The following CACYBP variants were observed in gnomAD, a reference collection of about 807,000 sequenced individuals.
CACYBP encodes calcyclin binding protein.
In CACYBP, 11 loss-of-function variants were observed where a neutral mutation model predicts 29.6. The ratio of observed to expected loss-of-function variants is 0.37; its 90% CI spans 0.23 to 0.61. CACYBP has a LOEUF of 0.61. CACYBP is among the 20% of genes least tolerant of loss of function. The pLI is 0.65. For missense variants in CACYBP, 163 were observed against 260.7 expected (o/e 0.63, Z 2.58); for synonymous variants, 73 against 88.3 (o/e 0.83, Z 0.97).
chr1:175,005,004 C>T (rs1480216830), intron 2 of CACYBP, 171 bp downstream of exon 2: 4 of 657,800 alleles, frequency 6.1e-6, no homozygotes, highest in Middle Eastern at 2.6e-4. Context: ...GGAAAGGATG[C>T]GTTCTAGAAG....
rs565201621 is a variant in CACYBP at position 175,009,437 on chromosome 1, G to A, written c.531-486G>A. Among the ~76,000 whole-genome samples the A allele has an allele frequency of 2.8e-3, 420 of 152,158 alleles. 5 individuals are homozygous for A. The highest frequency in any genetic ancestry group is 9.8e-3 in the African/African-American group (405 of 41,510). Reference sequence around the variant, plus strand: ...GAGGCGGGCGGATCACCTGAGGTCAGGAGTTTGAGACCAGCCTGGCCAACA... The same window carrying A: ...GAGGCGGGCGGATCACCTGAGGTCAAGAGTTTGAGACCAGCCTGGCCAACA... On this transcript the variant is annotated intron_variant, in intron 5 of 5. Coordinates refer to ENST00000367679, the MANE Select transcript of CACYBP (RefSeq NM_014412.3).
chr1:175,009,941 T>C lies in CACYBP; in HGVS notation c.549T>C (p.Thr183=). 1 of 1,612,618 alleles carries C rather than the reference T, an allele frequency of 6.2e-7. No homozygotes were observed. The highest frequency in any genetic ancestry group is 8.5e-7 in the Non-Finnish European group (1 of 1,179,188). The change falls in exon 6 of 6, where the codon ACT becomes ACC. Residue 183 remains threonine, a synonymous_variant. Coordinates refer to ENST00000367679, the MANE Select transcript of CACYBP (RefSeq NM_014412.3). ...TTTAAAGGAAGCCCTCCTATGACAC[T>C]GAAACAGATCCTAGTGAGGGATTGA... The part of the protein sequence containing the change: ...CKEKEKPSYD[T]ETDPSEGLMN...
chr1:175,008,040 A>T (rs1050643007), intron 4 of CACYBP, among the ~76,000 whole-genome samples: 2 of 152,214 alleles, frequency 1.3e-5, no homozygotes, highest in Admixed American at 6.5e-5. Flanking sequence ...CTAGTCCCAT[A>T]GGTAGAGTAC....
intron 4 of CACYBP, among the ~76,000 whole-genome samples, chr1:175,007,901 G>GT (rs1241162421): frequency 1.3e-5 from 2 of 152,146 alleles, no homozygotes; most frequent in Non-Finnish European, 2.9e-5. Context: ...AATAAATGAA[G>GT]TTTAATGCGT....
At chr1:175,000,222 A>T (rs1160327600) in intron 1 of CACYBP, 27 bp downstream of exon 1, 7 of 1,595,906 alleles carry the variant, frequency 4.4e-6, no homozygotes, top group South Asian at 1.1e-5. Flanking sequence ...CATATTCCTT[A>T]TGCCCCCCGG....
At chr1:174,999,913 G>C (rs1289425070), upstream of CACYBP, 5 of 548,948 alleles carry the variant, frequency 9.1e-6, no homozygotes, top group Admixed American at 7.1e-5. Flanking sequence ...GGCTAGGCTC[G>C]GCGAGGCGAG....
At position 175,010,679 on chromosome 1, in the gene CACYBP, T is replaced by A. The variant is rs1338073946; in HGVS notation, c.*600T>A. 6.6e-6 allele frequency: 1 copy of A among 152,266 alleles called. No individual in the cohort carries two copies. The highest frequency in any genetic ancestry group is 2.4e-5 in the African/African-American group (1 of 41,472). The allele number at this position is 152,266 out of a possible 1,614,324, so 9.4% of individuals were successfully genotyped here. ...AACATGACAATAATAGACATATCTT[T>A]GTATGGTACCAGTTAGTTTTGCCGT... is the stretch of plus-strand genomic sequence containing the variant. On this transcript the variant is annotated 3_prime_UTR_variant, in exon 6 of 6. Transcript: ENST00000367679.
rs1204416008 is a variant in CACYBP, at chr1:175,011,494, TA to T, written c.*1419del. The stretch of plus-strand genomic sequence containing the variant: ...GAGGAAAACGACATTATATGTGACT[TA>T]AAACCTAGAAGAAATAAATAAAACT... On this transcript the variant is annotated 3_prime_UTR_variant, in exon 6 of 6. Coordinates refer to ENST00000367679, the MANE Select transcript of CACYBP (RefSeq NM_014412.3). 1 of 152,124 alleles carries T rather than the reference TA, an allele frequency of 6.6e-6. No homozygotes were observed. The highest frequency in any genetic ancestry group is 2.4e-5 in the African/African-American group (1 of 41,418). 9.4% of individuals were successfully genotyped at this position (152,124 alleles called of 1,614,324 possible).
At chr1:175,004,910 A>C in intron 2 of CACYBP, 77 bp downstream of exon 2, 1 of 960,182 alleles carries the variant, frequency 1.0e-6, no homozygotes, top group Non-Finnish European at 1.7e-6. Flanking sequence ...ATTCATCCCC[A>C]ATGAGTTTTG....
In CACYBP at chr1:175,000,028, CCG is replaced by C. The variant is rs1008491070; in HGVS notation, c.-150_-149del. On this transcript the variant is annotated 5_prime_UTR_variant, in exon 1 of 6. Coordinates refer to ENST00000367679, the MANE Select transcript of CACYBP (RefSeq NM_014412.3). ...AGATCCGTCGCGTGCGGGAGGCGGG[CCG>C]CGATCTTGCGCAGGGTCGGTGTGGG... The C allele has an allele frequency of 7.5e-4, 841 of 1,119,140 alleles. No individual in the cohort carries two copies. In the Middle Eastern group the frequency reaches 8.1e-3, roughly 11 times the overall value. The allele number at this position is 1,119,140 out of a possible 1,614,324, so 69.3% of individuals were successfully genotyped here.
At position 175,000,017 on chromosome 1, in the gene CACYBP, C is replaced by G. The variant is rs1426901204; in HGVS notation, c.-164C>G. On this transcript the variant is annotated 5_prime_UTR_variant, in exon 1 of 6. Coordinates refer to ENST00000367679, the MANE Select transcript of CACYBP (RefSeq NM_014412.3). ...GCGAAGGTTCGAGATCCGTCGCGTGCGGGAGGCGGGCCGCGATCTTGCGCA... is the reference window on the plus strand; with the variant it reads ...GCGAAGGTTCGAGATCCGTCGCGTGGGGGAGGCGGGCCGCGATCTTGCGCA... The G allele has an allele frequency of 2.0e-6, 2 of 995,840 alleles. No individual in the cohort carries two copies. Among genetic ancestry groups the G allele is most frequent in the Non-Finnish European group, 1.5e-6 (1 of 662,562 alleles). The allele number at this position is 995,840 out of a possible 1,614,324, so 61.7% of individuals were successfully genotyped here.
chr1:175,007,525 A>C (rs1302585672), intron 4 of CACYBP, among the ~76,000 whole-genome samples: 2 of 152,202 alleles, frequency 1.3e-5, no homozygotes, highest in African/African-American at 2.4e-5. Flanking sequence ...CATTAAAATC[A>C]GGGAGGAAGT....
chr1:175,003,360 C>A (rs2149410292), intron 1 of CACYBP, among the ~76,000 whole-genome samples: 1 of 152,274 alleles, frequency 6.6e-6, no homozygotes, highest in South Asian at 2.1e-4. Context: ...CTCAAGTGAT[C>A]CACCCGCTTT....
intron 1 of CACYBP, 127 bp downstream of exon 1, chr1:175,000,322 C>T (rs1160977898): frequency 2.7e-6 from 4 of 1,479,010 alleles, no homozygotes; most frequent in Non-Finnish European, 3.6e-6. Flanking sequence ...AGTCAGTGCG[C>T]CGCCTTCCCG....
chr1:175,002,965 G>GT (rs988174883), intron 1 of CACYBP, among the ~76,000 whole-genome samples: 6 of 151,710 alleles, frequency 4.0e-5, no homozygotes, highest in African/African-American at 1.2e-4. Flanking sequence ...TAGAATCAGC[G>GT]TTTTTTTGAA....
upstream of CACYBP, chr1:174,999,820 G>T (rs1383277828): frequency 2.3e-6 from 1 of 428,668 alleles, no homozygotes. Context: ...TTCTCGGATT[G>T]CCGGTTCGCT....
intron 1 of CACYBP, among the ~76,000 whole-genome samples, chr1:175,004,027 C>T (rs749428829): frequency 6.6e-6 from 1 of 152,090 alleles, no homozygotes; most frequent in Non-Finnish European, 1.5e-5. Flanking sequence ...CAGAGCAAGA[C>T]TTTTCCTCAA....
intron 4 of CACYBP, 131 bp from the exon 5 acceptor site, chr1:175,008,478 G>GT (rs1190640262): frequency 1.5e-4 from 87 of 569,248 alleles, no homozygotes; most frequent in African/African-American, 1.3e-3. Flanking sequence ...ATTCATACAA[G>GT]TATTACTGGC....
At chr1:175,008,479 T>C in intron 4 of CACYBP, 130 bp from the exon 5 acceptor site, 1 of 574,142 alleles carries the variant, frequency 1.7e-6, no homozygotes. Flanking sequence ...TTCATACAAG[T>C]ATTACTGGCA....
Sources: allele counts gnomAD v4.1 joint callset (sites outside exome capture counted in the v4.1 genomes callset), GRCh38; gene constraint gnomAD v4.1.1; transcripts MANE v1.5; gene names NCBI Gene and HGNC (gene_info 2026-07-23, HGNC 2026-07-21).